The following GNA13 variants were observed in gnomAD, a reference collection of about 807,000 sequenced individuals.
GNA13 encodes the protein guanine nucleotide-binding protein subunit alpha-13.
In GNA13, 4 loss-of-function variants were observed where a neutral mutation model predicts 33.5. The ratio of observed to expected loss-of-function variants is 0.12; its 90% CI spans 0.06 to 0.27. The LOEUF (loss-of-function observed/expected upper bound fraction) is 0.27, where lower values mean the gene tolerates loss of function less well. GNA13 is among the 10% of genes least tolerant of loss of function. The pLI, the probability that GNA13 is intolerant of heterozygous loss-of-function variation, is 1.00. For synonymous variants in GNA13, 176 were observed against 183.8 expected (o/e 0.96, Z 0.34); for missense variants, 319 against 487.2 (o/e 0.65, Z 3.25).
chr17:65,038,781 C>T (rs1907354985), intron 2 of GNA13, among the ~76,000 whole-genome samples: 1 of 152,186 alleles, frequency 6.6e-6, no homozygotes, highest in African/African-American at 2.4e-5. Context: ...AGCCTAGCCT[C>T]CCTTAAACAT....
intron 2 of GNA13, among the ~76,000 whole-genome samples, chr17:65,036,838 G>A (rs1204228437): frequency 1.3e-5 from 2 of 152,172 alleles, no homozygotes; most frequent in Non-Finnish European, 2.9e-5. Flanking sequence ...TCATTTCTAG[G>A]TTAATAAAGA....
At chr17:65,034,857 C>T (rs1434521598) in intron 2 of GNA13, among the ~76,000 whole-genome samples, 1 of 152,150 alleles carries the variant, frequency 6.6e-6, no homozygotes, top group Non-Finnish European at 1.5e-5. Context: ...ACGATCTCAG[C>T]TCACTGAAAC....
intron 2 of GNA13, among the ~76,000 whole-genome samples, chr17:65,039,955 TCTC>T (rs1214397215): frequency 2.6e-5 from 4 of 152,202 alleles, no homozygotes; most frequent in African/African-American, 4.8e-5. Context: ...GGCTTTCTTG[TCTC>T]CTCATCACTT....
intron 2 of GNA13, among the ~76,000 whole-genome samples, chr17:65,040,685 G>C (rs1236940224): frequency 6.6e-6 from 1 of 152,078 alleles, no homozygotes; most frequent in Non-Finnish European, 1.5e-5. Flanking sequence ...GTAGAGACGG[G>C]TTTCACCATC....
At chr17:65,056,258 G>GCCCCCCCCCCCC in intron 1 of GNA13, 53 bp downstream of exon 1, 1 of 574,316 alleles carries the variant, frequency 1.7e-6, no homozygotes, top group Non-Finnish European at 3.0e-6. Context: ...CGCACCCGCC[G>GCCCCCCCCCCCC]CCGCCCCAGC....
chr17:65,030,848 A>AT (rs1197606150), intron 2 of GNA13, among the ~76,000 whole-genome samples: 3 of 152,158 alleles, frequency 2.0e-5, no homozygotes, highest in Non-Finnish European at 4.4e-5. Flanking sequence ...CCCCATCTCA[A>AT]TTTTTTAAAA....
chr17:65,056,255 G>GCCCCCCCC, intron 1 of GNA13, 56 bp downstream of exon 1: 1 of 508,066 alleles, frequency 2.0e-6, no homozygotes, highest in Non-Finnish European at 3.5e-6. Context: ...CCCCGCACCC[G>GCCCCCCCC]CCGCCGCCCC....
At chr17:65,018,399 C>A (rs980914947) in intron 2 of GNA13, 96 bp from the exon 3 acceptor site, 45 of 713,844 alleles carry the variant, frequency 6.3e-5, no homozygotes, top group Non-Finnish European at 1.1e-4. Flanking sequence ...TACACTTAAC[C>A]CAAACAGACT....
intron 2 of GNA13, among the ~76,000 whole-genome samples, chr17:65,035,724 C>A (rs1907222244): frequency 6.6e-6 from 1 of 151,862 alleles, no homozygotes; most frequent in South Asian, 2.1e-4. Context: ...CATATATAAT[C>A]CCATCAGCAT....
intron 2 of GNA13, among the ~76,000 whole-genome samples, chr17:65,018,631 T>A (rs1567817413): frequency 6.6e-6 from 1 of 152,174 alleles, no homozygotes; most frequent in Non-Finnish European, 1.5e-5. Flanking sequence ...AAACTGCTTT[T>A]GAGATAAAAC....
rs897363317 is a variant in GNA13, at chr17:65,030,956, G to A, written c.511-12653C>T. 1.1e-4 allele frequency among the ~76,000 whole-genome samples: 17 copies of A among 152,154 alleles called. 1 individual carries two copies. ...GTAAACAACTCAAAAAATATTGAAA[G>A]TAAAAGAAAATCTATATTACCAAGA... On this transcript the variant is annotated intron_variant, in intron 2 of 3. Transcript: ENST00000439174.
chr17:65,028,181 G>A (rs1403594933), intron 2 of GNA13, among the ~76,000 whole-genome samples: 1 of 152,086 alleles, frequency 6.6e-6, no homozygotes, highest in African/African-American at 2.4e-5. Context: ...AGCTGAGATC[G>A]CGTCACTGCA....
At chr17:65,049,826 T>C (rs1389424843) in intron 2 of GNA13, among the ~76,000 whole-genome samples, 7 of 152,206 alleles carry the variant, frequency 4.6e-5, no homozygotes, top group Admixed American at 2.0e-4. Context: ...ATCTGCTTGT[T>C]TGTTTTAACA....
intron 2 of GNA13, among the ~76,000 whole-genome samples, chr17:65,038,338 G>A (rs1907334433): frequency 6.6e-6 from 1 of 152,094 alleles, no homozygotes; most frequent in African/African-American, 2.4e-5. Context: ...CGGAGGCGGA[G>A]GTTGCAGTGA....
At chr17:65,043,505 T>C (rs1907539437) in intron 2 of GNA13, among the ~76,000 whole-genome samples, 1 of 152,078 alleles carries the variant, frequency 6.6e-6, no homozygotes. Context: ...CAGGCTGGTC[T>C]CAAACTCCTG....
intron 2 of GNA13, among the ~76,000 whole-genome samples, chr17:65,039,602 C>G (rs767315108): frequency 6.6e-6 from 1 of 152,228 alleles, no homozygotes; most frequent in African/African-American, 2.4e-5. Context: ...ATTCTTCCCC[C>G]TCCTTTCCTG....
intron 2 of GNA13, among the ~76,000 whole-genome samples, chr17:65,019,979 CAG>C (rs1380937167): frequency 6.6e-6 from 1 of 152,076 alleles, no homozygotes; most frequent in Non-Finnish European, 1.5e-5. Context: ...AAATTAAAAA[CAG>C]AAAAATTAAA....
chr17:65,053,472 C>T (rs763432517), intron 2 of GNA13, 30 bp downstream of exon 2: 12 of 1,342,724 alleles, frequency 8.9e-6, no homozygotes, highest in Non-Finnish European at 1.3e-5. Flanking sequence ...TAAAATAAAA[C>T]CACACGTTTT....
chr17:65,053,698 T>C lies in GNA13; in HGVS notation c.314A>G (p.Lys105Arg). ...GTTGTCTCCCCAGGGAATATGAAGC[T>C]TCTCTCGAGCATCAACCAGCACCCT... ...GMRVLVDARE[K>R]LHIPWGDNSN... is the part of the protein sequence containing the mutation. The change falls in exon 2 of 4, where the codon AAG becomes AGG. Residue 105 changes from lysine (K) to arginine (R), a missense_variant. By Grantham distance (26) the Lys-to-Arg change is conservative (BLOSUM62 2). This residue lies in a region of GNA13 where 136 missense variants were observed against 159.3 expected (regional missense o/e 0.85). Transcript: ENST00000439174. The C allele has an allele frequency of 1.2e-6, 2 of 1,613,710 alleles. No individual in the cohort carries two copies. The highest frequency in any genetic ancestry group is 1.7e-6 in the Non-Finnish European group (2 of 1,179,606).
Sources: gnomAD v4.1 joint callset for allele counts (sites outside exome capture counted in the v4.1 genomes callset) on GRCh38, gnomAD v4.1.1 for gene constraint, gnomAD v4.1.1 regional missense constraint, MANE v1.5 for transcripts, NCBI Gene and HGNC (gene_info 2026-07-23, HGNC 2026-07-21) for gene names.